The following RC3H1 variants were observed in gnomAD, a reference collection of about 807,000 sequenced individuals.
RC3H1 encodes ring finger and CCCH-type domains 1.
Under a neutral mutation model 138.2 loss-of-function variants are expected in RC3H1, and 50 were observed. The observed-to-expected ratio is 0.36, with a 90% CI of 0.29 to 0.46. The LOEUF is 0.46. Ranked by LOEUF, RC3H1 falls within the 20% of genes least tolerant of loss-of-function variation. RC3H1 has a pLI of 1.00. For synonymous variants in RC3H1, 462 were observed against 489.1 expected (o/e 0.94, Z 0.73); for missense variants, 1,031 against 1,388.1 (o/e 0.74, Z 4.09).
At chr1:173,954,418 AAGGGAATGGGGGG>A (rs1008214549) in intron 13 of RC3H1, among the ~76,000 whole-genome samples, 13 of 152,016 alleles carry the variant, frequency 8.6e-5, no homozygotes, top group Non-Finnish European at 1.8e-4. Flanking sequence ...AGAGACTAGA[AAGGGAATGGGGGG>A]AGGGAAGGGG....
chr1:174,015,293 G>T, intron 1 of RC3H1, among the ~76,000 whole-genome samples: 1 of 147,866 alleles, frequency 6.8e-6, no homozygotes. Flanking sequence ...ACTGAGACCT[G>T]GACAAATTAA....
In RC3H1 at chr1:173,964,867, T is replaced by G. The variant is rs1439332198; in HGVS notation, c.1588A>C (p.Ser530Arg). The G allele has an allele frequency of 2.5e-6, 4 of 1,614,102 alleles. No individual in the cohort carries two copies. Among genetic ancestry groups the G allele is most frequent in the Non-Finnish European group, 3.4e-6 (4 of 1,180,040 alleles). The change falls in exon 10 of 20, where the codon AGT becomes CGT. Residue 530 changes from serine to arginine, a missense_variant. Coordinates refer to ENST00000367696, the MANE Select transcript of RC3H1 (RefSeq NM_172071.4). Reference protein sequence around the residue: ...LKPGKIDHLSSSAPGSPPDLL... With the variant: ...LKPGKIDHLSRSAPGSPPDLL... ...TCAGGAGGGGATCCAGGAGCACTAC[T>G]GCTCAGATGATCTATTTTTCCTGGT...
intron 15 of RC3H1, 125 bp downstream of exon 15, chr1:173,947,244 T>A (rs1203357796): frequency 3.0e-6 from 2 of 677,458 alleles, no homozygotes. Context: ...GATGATTCCA[T>A]GGAAAGTTTG....
At chr1:174,015,470 A>G (rs1332494274) in intron 1 of RC3H1, among the ~76,000 whole-genome samples, 6 of 151,702 alleles carry the variant, frequency 4.0e-5, no homozygotes, top group African/African-American at 1.2e-4. Flanking sequence ...GGTTCAAGCA[A>G]TTCTCTGCCT....
chr1:173,961,940 G>A lies in RC3H1; in HGVS notation c.1987C>T (p.Pro663Ser). The change falls in exon 12 of 20, where the codon CCA becomes TCA. Residue 663 changes from proline (P) to serine (S), a missense_variant. By Grantham distance (74) the Pro-to-Ser change is moderately conservative. Coordinates refer to ENST00000367696, the MANE Select transcript of RC3H1 (RefSeq NM_172071.4). ...TCATAGTGAGATGGGTATATAGGTG[G>A]GTACTGCTGTGGCTGTGTGCCATAC... ...SQYGTQPQQY[P>S]PIYPSHYDGR... 1 of 1,614,072 alleles carries A rather than the reference G, an allele frequency of 6.2e-7. No individual in the cohort carries two copies. Among genetic ancestry groups the A allele is most frequent in the Non-Finnish European group, 8.5e-7 (1 of 1,180,014 alleles).
chr1:173,992,766 C>T lies in RC3H1; in HGVS notation c.220G>A (p.Val74Met), dbSNP rs369273422. 20 of 1,613,246 alleles carry T rather than the reference C, an allele frequency of 1.2e-5. No homozygotes were observed. Among genetic ancestry groups the T allele is most frequent in the South Asian group, 4.4e-5 (4 of 91,052 alleles). Residue 74 changes from valine (V) to methionine (M), a missense_variant, in exon 2 of 20, where the codon GTG becomes ATG. Val to Met is a conservative substitution (Grantham distance 21). Around this residue, in one of 7 missense-constraint regions of RC3H1, gnomAD observed 80 missense variants for 81.1 expected, o/e 0.99. Coordinates refer to ENST00000367696, the MANE Select transcript of RC3H1 (RefSeq NM_172071.4). ...LPVNSALLQLVGAQVPEQQPI... is the reference protein window; with the variant it reads ...LPVNSALLQLMGAQVPEQQPI... The stretch of plus-strand genomic sequence containing the variant: ...GTCACCCATCCTACCTGAGCACCCA[C>T]GAGCTGCAGCAATGCTGAGTTCACA...
At chr1:173,957,857 C>T (rs1210490774) in intron 13 of RC3H1, among the ~76,000 whole-genome samples, 2 of 152,222 alleles carry the variant, frequency 1.3e-5, no homozygotes, top group Non-Finnish European at 1.5e-5. Context: ...TAATGCACAC[C>T]TGGCTGTTTT....
At chr1:173,973,516 C>G (rs1161690778) in intron 7 of RC3H1, among the ~76,000 whole-genome samples, 2 of 133,744 alleles carry the variant, frequency 1.5e-5, no homozygotes, top group Non-Finnish European at 3.1e-5. Context: ...ATCCTGGTGA[C>G]AGAGAGAAAC....
At position 173,954,324 on chromosome 1, in the gene RC3H1, A is replaced by G. The variant is rs549182873; in HGVS notation, c.2371-2186T>C. On this transcript the variant is annotated intron_variant, in intron 13 of 19. Coordinates refer to ENST00000367696, the MANE Select transcript of RC3H1 (RefSeq NM_172071.4). ...ACATTAAGTGAAATTGGTCAGGCAC[A>G]GAAAGACAAATATTTCATGTTCTCA... Among the ~76,000 whole-genome samples, 3 of 152,366 alleles carry G rather than the reference A, an allele frequency of 2.0e-5. No homozygotes were observed. In the East Asian group the frequency reaches 5.8e-4, roughly 29 times the overall value.
At position 173,938,673 on chromosome 1, in the gene RC3H1, C is replaced by A; in HGVS notation, c.*48G>T. ...GTTATGCGTTCTCCTACCCCTATGCCCGACAAACTGATTAGGAGCAGAAGA... is the reference window on the plus strand; with the variant it reads ...GTTATGCGTTCTCCTACCCCTATGCACGACAAACTGATTAGGAGCAGAAGA... On this transcript the variant is annotated 3_prime_UTR_variant, in exon 20 of 20. Transcript: ENST00000367696. 6.8e-7 allele frequency: 1 copy of A among 1,462,706 alleles called. No individual in the cohort carries two copies. Among genetic ancestry groups the A allele is most frequent in the Non-Finnish European group, 9.3e-7 (1 of 1,077,422 alleles). 90.6% of individuals were successfully genotyped at this position (1,462,706 alleles called of 1,614,324 possible). A position where few individuals can be genotyped will look rare whatever the true frequency, so the allele number is the denominator to read the frequency against.
chr1:173,993,734 T>C (rs1661388211), intron 1 of RC3H1, among the ~76,000 whole-genome samples: 2 of 150,700 alleles, frequency 1.3e-5, no homozygotes, highest in African/African-American at 4.9e-5. Flanking sequence ...TAAAAAATAA[T>C]CTTGGCTGGG....
chr1:173,983,705 CAGTCCAGGAGCA>C lies in RC3H1; in HGVS notation c.353-60_353-49del, dbSNP rs1386125657. The C allele has an allele frequency of 3.8e-6, 6 of 1,598,878 alleles. No homozygotes were observed. The African/African-American group carries it at 8.0e-5, about 21-fold the overall frequency. On this transcript the variant is annotated intron_variant, in intron 3 of 19. Transcript: ENST00000367696. ...TTCCTAGGTTCACAATGCAATTTTA[CAGTCCAGGAGCA>C]ATTCTTCTGTTGGGTTAACTTGTGG... is the stretch of plus-strand genomic sequence containing the variant.
intron 1 of RC3H1, among the ~76,000 whole-genome samples, chr1:173,995,916 C>G (rs1470010840): frequency 6.6e-6 from 1 of 152,094 alleles, no homozygotes; most frequent in Non-Finnish European, 1.5e-5. Context: ...TAAACTTTAC[C>G]AAGGTATTTA....
chr1:173,944,009 T>C (rs1659023927), intron 17 of RC3H1, among the ~76,000 whole-genome samples: 1 of 151,104 alleles, frequency 6.6e-6, no homozygotes, highest in African/African-American at 2.4e-5. Context: ...AAATAAAAAA[T>C]AAAAAAACCA....
chr1:173,952,771 GCTA>G (rs1659471234), intron 13 of RC3H1, among the ~76,000 whole-genome samples: 1 of 152,052 alleles, frequency 6.6e-6, no homozygotes, highest in Non-Finnish European at 1.5e-5. Context: ...CTATTCTAAG[GCTA>G]ATGTATTTTC....
intron 13 of RC3H1, among the ~76,000 whole-genome samples, chr1:173,960,431 T>G (rs897242120): frequency 6.6e-6 from 1 of 152,204 alleles, no homozygotes; most frequent in African/African-American, 2.4e-5. Context: ...ATCCAATGTA[T>G]CAAAAATATT....
At chr1:173,984,392 CCTCTAG>C in intron 3 of RC3H1, 101 bp downstream of exon 3, 1 of 995,012 alleles carries the variant, frequency 1.0e-6, no homozygotes, top group Admixed American at 3.2e-5. Flanking sequence ...ATCAAATTTA[CCTCTAG>C]TTAGGTTTTT....
rs913914368 is a variant in RC3H1 at position 173,933,933 on chromosome 1, C to T, written c.*4788G>A. ...TATCATCAGTTAAAAATTTAACACA[C>T]TTAGACTCTTATTAGGGGGAAAAAA... is the stretch of plus-strand genomic sequence containing the variant. On this transcript the variant is annotated 3_prime_UTR_variant, in exon 20 of 20. Coordinates refer to ENST00000367696, the MANE Select transcript of RC3H1 (RefSeq NM_172071.4). The T allele has an allele frequency of 2.6e-5, 4 of 152,174 alleles. No individual in the cohort carries two copies. In the East Asian group the frequency reaches 7.7e-4, roughly 29 times the overall value. 9.4% of individuals were successfully genotyped at this position (152,174 alleles called of 1,614,324 possible).
In RC3H1 at chr1:173,965,080, A is replaced by T; in HGVS notation, c.1375T>A (p.Leu459Met). ...TTAAGTTGACCCAAAGAGGCACTCA[A>T]GGGTCTTCTCGGAACCAGGCGCTTA... The part of the protein sequence containing the change: ...MNKRLVPRRP[L>M]SASLGQLNEV... Residue 459 changes from leucine (L) to methionine (M), a missense_variant, in exon 10 of 20, where the codon TTG (leucine) becomes ATG (methionine). Around this residue, in one of 7 missense-constraint regions of RC3H1, gnomAD observed 716 missense variants for 837.9 expected, o/e 0.85. Transcript: ENST00000367696. 6.2e-7 allele frequency: 1 copy of T among 1,614,196 alleles called. No homozygotes were observed. The highest frequency in any genetic ancestry group is 8.5e-7 in the Non-Finnish European group (1 of 1,180,002).
Sources: gnomAD v4.1 joint callset for allele counts (sites outside exome capture counted in the v4.1 genomes callset) on GRCh38, gnomAD v4.1.1 for gene constraint, gnomAD v4.1.1 regional missense constraint, MANE v1.5 for transcripts, NCBI Gene and HGNC (gene_info 2026-07-23, HGNC 2026-07-21) for gene names.